Variants in ATOSA observed in about 807,000 individuals in gnomAD.
The protein encoded by ATOSA is atos homolog A.
the ATOSA span, among the ~76,000 whole-genome samples, chr15:52,672,794 T>G: frequency 6.6e-6 from 1 of 152,204 alleles, no homozygotes; most frequent in Admixed American, 6.5e-5. Context: ...TTTCTCATTC[T>G]TCAAAGAAAT....
chr15:52,684,798 G>T, the ATOSA span, among the ~76,000 whole-genome samples: 1 of 152,240 alleles, frequency 6.6e-6, no homozygotes, highest in South Asian at 2.1e-4. Context: ...GTACAGTGGT[G>T]TGATCCTAAC....
the ATOSA span, chr15:52,629,799 C>G: frequency 6.6e-6 from 1 of 151,928 alleles, no homozygotes; most frequent in Non-Finnish European, 1.4e-5. Flanking sequence ...AAGACTCCAT[C>G]TAAAAAAAAT....
At chr15:52,629,532 C>A in the ATOSA span, 1 of 217,926 alleles carries the variant, frequency 4.6e-6, no homozygotes. Context: ...GGCCAGGCAT[C>A]GTGGCTCATG....
At chr15:52,658,871 A>T in the ATOSA span, 2 of 394,572 alleles carry the variant, frequency 5.1e-6, no homozygotes, top group Non-Finnish European at 8.9e-6. Context: ...CTGTAGTACC[A>T]GCTTCTCAGG....
At chr15:52,606,233 AAC>A in the ATOSA span, among the ~76,000 whole-genome samples, 1 of 152,130 alleles carries the variant, frequency 6.6e-6, no homozygotes, top group South Asian at 2.1e-4. Context: ...AAATATAAGA[AAC>A]ACTGTAAATT....
At chr15:52,701,294 C>A in the ATOSA span, among the ~76,000 whole-genome samples, 2 of 151,936 alleles carry the variant, frequency 1.3e-5, no homozygotes, top group Non-Finnish European at 2.9e-5. Context: ...ATAACATTAA[C>A]CAGGCATGGT....
the ATOSA span, among the ~76,000 whole-genome samples, chr15:52,602,310 C>A: frequency 6.6e-6 from 1 of 152,186 alleles, no homozygotes; most frequent in African/African-American, 2.4e-5. Context: ...AATTCCCTAT[C>A]TTTGCCTTCA....
the ATOSA span, among the ~76,000 whole-genome samples, chr15:52,640,245 A>T: frequency 6.6e-6 from 1 of 152,190 alleles, no homozygotes; most frequent in South Asian, 2.1e-4. Flanking sequence ...CAATTTTAAG[A>T]CATATTACTC....
At chr15:52,678,451 T>A in the ATOSA span, 1 of 176,792 alleles carries the variant, frequency 5.7e-6, no homozygotes, top group Non-Finnish European at 1.2e-5. Context: ...AAAACGCCTC[T>A]GGAAACAGAG....
At chr15:52,609,767 G>C in the ATOSA span, 3 of 1,613,528 alleles carry the variant, frequency 1.9e-6, no homozygotes, top group African/African-American at 1.3e-5. Flanking sequence ...GGATCACAAT[G>C]AATCAAATGT....
chr15:52,674,558 A>G, the ATOSA span, among the ~76,000 whole-genome samples: 1 of 152,232 alleles, frequency 6.6e-6, no homozygotes, highest in African/African-American at 2.4e-5. Flanking sequence ...CTACATATAG[A>G]AGCCATAATT....
chr15:52,670,863 T>C, the ATOSA span, among the ~76,000 whole-genome samples: 3 of 152,236 alleles, frequency 2.0e-5, no homozygotes, highest in Non-Finnish European at 4.4e-5. Context: ...GCAACACCCT[T>C]AGCCAGCTAC....
chr15:52,670,748 C>G, the ATOSA span, among the ~76,000 whole-genome samples: 1 of 151,886 alleles, frequency 6.6e-6, no homozygotes. Flanking sequence ...GCCCTTTGCA[C>G]ATCTATACAA....
chr15:52,629,627 T>C, the ATOSA span: 8 of 404,136 alleles, frequency 2.0e-5, no homozygotes, highest in Non-Finnish European at 3.5e-5. Flanking sequence ...CATGGTGAAA[T>C]CCTGTCTCTA....
the ATOSA span, among the ~76,000 whole-genome samples, chr15:52,592,573 A>G: frequency 6.6e-6 from 1 of 152,224 alleles, no homozygotes; most frequent in Non-Finnish European, 1.5e-5. Flanking sequence ...AGAGGTGTCC[A>G]ATCTTTTGGC....
At chr15:52,648,460 C>T in the ATOSA span, among the ~76,000 whole-genome samples, 1 of 152,028 alleles carries the variant, frequency 6.6e-6, no homozygotes, top group Non-Finnish European at 1.5e-5. Flanking sequence ...TTTATATTTT[C>T]TTTGTGCTGG....
chr15:52,696,345 T>C, the ATOSA span, among the ~76,000 whole-genome samples: 1 of 152,122 alleles, frequency 6.6e-6, no homozygotes, highest in Non-Finnish European at 1.5e-5. Context: ...GCCACTGCCC[T>C]CTACCCAACC....
chr15:52,652,041 A>G, the ATOSA span: 1 of 1,486,032 alleles, frequency 6.7e-7, no homozygotes, highest in Non-Finnish European at 8.9e-7. Flanking sequence ...CCCTCCGTGT[A>G]AGGTTTTTCA....
the ATOSA span, among the ~76,000 whole-genome samples, chr15:52,677,182 CA>C: frequency 6.6e-6 from 1 of 152,062 alleles, no homozygotes; most frequent in Admixed American, 6.5e-5. Flanking sequence ...TTAACATTTC[CA>C]ATCCTAAAGA....
Sources: allele counts gnomAD v4.1 joint callset (sites outside exome capture counted in the v4.1 genomes callset), GRCh38; gene constraint gnomAD v4.1.1; transcripts MANE v1.5; gene names NCBI Gene and HGNC (gene_info 2026-07-23, HGNC 2026-07-21).